SLC41A1: variants seen among roughly 807,000 people sequenced by gnomAD.
The protein encoded by SLC41A1 is solute carrier family 41 member 1.
Under a neutral mutation model 47.3 loss-of-function variants are expected in SLC41A1, and 20 were observed. That is an observed-to-expected ratio of 0.42 (90% CI 0.30 to 0.61). SLC41A1 has a LOEUF of 0.61. SLC41A1 is among the 20% of genes least tolerant of loss of function. The pLI, the probability that SLC41A1 is intolerant of heterozygous loss-of-function variation, is 0.17. For missense variants in SLC41A1, 504 were observed against 674.1 expected (o/e 0.75, Z 2.79); for synonymous variants, 282 against 272.7 (o/e 1.03, Z -0.34).
At position 205,813,151 on chromosome 1, in the gene SLC41A1, G is replaced by A; in HGVS notation, c.-990C>T. Reference sequence around the variant, plus strand: ...CCAATCGCTTCTTGCCCGCGGACTCGGGCCCAACTGGTTGGCTGCCGGTGG... The same window carrying A: ...CCAATCGCTTCTTGCCCGCGGACTCAGGCCCAACTGGTTGGCTGCCGGTGG... On this transcript the variant is annotated 5_prime_UTR_variant, in exon 1 of 11. Transcript: ENST00000367137. 1.0e-6 allele frequency: 1 copy of A among 985,476 alleles called. No individual in the cohort carries two copies. Among genetic ancestry groups the A allele is most frequent in the Non-Finnish European group, 1.2e-6 (1 of 829,978 alleles). 61.0% of individuals were successfully genotyped at this position (985,476 alleles called of 1,614,324 possible). A position where few individuals can be genotyped will look rare whatever the true frequency, so the allele number is the denominator to read the frequency against.
chr1:205,794,943 C>T lies in SLC41A1; in HGVS notation c.1283G>A (p.Ser428Asn). The T allele has an allele frequency of 6.2e-7, 1 of 1,614,066 alleles. No homozygotes were observed. The highest frequency in any genetic ancestry group is 8.5e-7 in the Non-Finnish European group (1 of 1,180,014). The stretch of plus-strand genomic sequence containing the variant: ...GGTGGTGTGCCCGCCCTGCATACAG[C>T]TGATGGTGTAGAGGAACACCAGGTG... ...PGHLVFLYTI[S>N]CMQGGHTTLT... Residue 428 changes from serine (S) to asparagine (N), a missense_variant, in exon 10 of 11, where the codon AGC (serine) becomes AAC (asparagine). Around this residue, in one of 2 missense-constraint regions of SLC41A1, gnomAD observed 421 missense variants for 601.6 expected, o/e 0.70. Coordinates refer to ENST00000367137, the MANE Select transcript of SLC41A1 (RefSeq NM_173854.6).
chr1:205,791,864 C>G lies in SLC41A1; in HGVS notation c.1357-146G>C. 1 of 1,031,414 alleles carries G rather than the reference C, an allele frequency of 9.7e-7. No homozygotes were observed. The highest frequency in any genetic ancestry group is 1.5e-6 in the Non-Finnish European group (1 of 683,894). 63.9% of individuals were successfully genotyped at this position (1,031,414 alleles called of 1,614,324 possible). A position where few individuals can be genotyped will look rare whatever the true frequency, so the allele number is the denominator to read the frequency against. On this transcript the variant is annotated intron_variant, in intron 10 of 10. Transcript: ENST00000367137. This position sits in a 1 kb window ranked among gnomAD's most constrained non-coding sequence, Gnocchi z 4.0. ...AATCTTCCTCTTTCCACCCCAGCAA[C>G]CTCTCTGTGTTTCTCCACCCCACAA... is the stretch of plus-strand genomic sequence containing the variant.
intron 2 of SLC41A1, among the ~76,000 whole-genome samples, chr1:205,802,036 C>T (rs1385461374): frequency 6.6e-6 from 1 of 152,186 alleles, no homozygotes; most frequent in Non-Finnish European, 1.5e-5. Flanking sequence ...AAACTGAGGA[C>T]TTGCAAAAAG....
chr1:205,807,724 T>C (rs1656048402), intron 2 of SLC41A1, among the ~76,000 whole-genome samples: 1 of 132,080 alleles, frequency 7.6e-6, no homozygotes, highest in African/African-American at 2.8e-5. Context: ...GGTACAATCA[T>C]AGCTCATTGC....
rs76524606 is a variant in SLC41A1, at chr1:205,790,806, G to C, written c.*727C>G. ...CAATAGGTGGACATGGGTCAACAGG[G>C]AGAAGAGTGCACTGTTCCATTTTTT... On this transcript the variant is annotated 3_prime_UTR_variant, in exon 11 of 11. Transcript: ENST00000367137. 6.7e-3 allele frequency: 1,028 copies of C among 152,732 alleles called. 4 individuals carry two copies. Among genetic ancestry groups the C allele is most frequent in the African/African-American group, 9.9e-3 (413 of 41,572 alleles). 9.5% of individuals were successfully genotyped at this position (152,732 alleles called of 1,614,324 possible). A position where few individuals can be genotyped will look rare whatever the true frequency, so the allele number is the denominator to read the frequency against.
At chr1:205,811,615 T>C (rs1380585387) in intron 1 of SLC41A1, among the ~76,000 whole-genome samples, 1 of 152,028 alleles carries the variant, frequency 6.6e-6, no homozygotes, top group Non-Finnish European at 1.5e-5. Context: ...GATTGCTGAG[T>C]GAAGTCCCCC....
chr1:205,801,421 C>T (rs904424187), intron 2 of SLC41A1: 8 of 331,332 alleles, frequency 2.4e-5, no homozygotes, highest in Admixed American at 8.5e-5. Context: ...TTGCAATCCC[C>T]CCTCAAATTG....
chr1:205,807,648 G>GT (rs1170069554), intron 2 of SLC41A1, among the ~76,000 whole-genome samples: 14,684 of 98,876 alleles, frequency 0.15, 1,224 homozygotes, highest in African/African-American at 0.25. Flanking sequence ...TCCTCGTAGA[G>GT]TCTTTTTTTT....
chr1:205,797,432 T>C (rs1012537458), intron 7 of SLC41A1, among the ~76,000 whole-genome samples: 1 of 152,238 alleles, frequency 6.6e-6, no homozygotes, highest in African/African-American at 2.4e-5. Context: ...ATAGCTAGGC[T>C]CCAGGTCCAT....
intron 2 of SLC41A1, among the ~76,000 whole-genome samples, chr1:205,809,848 C>T (rs1451698978): frequency 6.6e-6 from 1 of 152,136 alleles, no homozygotes; most frequent in Non-Finnish European, 1.5e-5. Context: ...TTCTATTTAG[C>T]AATACTGCCC....
At chr1:205,800,824 C>A in intron 3 of SLC41A1, 129 bp downstream of exon 3, 4 of 858,500 alleles carry the variant, frequency 4.7e-6, no homozygotes, top group Non-Finnish European at 7.6e-6. Flanking sequence ...GCCAGGCCCT[C>A]CCTTCCCACC....
Position 205,791,745 on chromosome 1 carries a change from T to G in SLC41A1, c.1357-27A>C, listed in dbSNP as rs761250849. The G allele has an allele frequency of 6.2e-7, 1 of 1,611,190 alleles. No homozygotes were observed. Among genetic ancestry groups the G allele is most frequent in the Non-Finnish European group, 8.5e-7 (1 of 1,179,368 alleles). On this transcript the variant is annotated intron_variant, in intron 10 of 10. Transcript: ENST00000367137. The surrounding 1 kb of genome is among the most constrained non-coding windows in gnomAD (Gnocchi z 4.0). The stretch of plus-strand genomic sequence containing the variant: ...TGGGGAGACAAAAGGGCCCAGCCTA[T>G]AGCCATCCTCTCTCTCCAGGGGGAG...
At chr1:205,806,980 A>G (rs1656028355) in intron 2 of SLC41A1, among the ~76,000 whole-genome samples, 1 of 152,148 alleles carries the variant, frequency 6.6e-6, no homozygotes, top group African/African-American at 2.4e-5. Context: ...ACCAGGCCCA[A>G]TATGGACTCC....
At position 205,801,064 on chromosome 1, in the gene SLC41A1, C is replaced by T. The variant is rs186328375; in HGVS notation, c.373-4G>A. The stretch of plus-strand genomic sequence containing the variant: ...CCTTCTGGAAGACTTCCCAGTGCTA[C>T]GAGGTGAAAACAGAACCCAGGAATT... On this transcript the variant is annotated splice_polypyrimidine_tract_variant and splice_region_variant and intron_variant, in intron 2 of 10. Coordinates refer to ENST00000367137, the MANE Select transcript of SLC41A1 (RefSeq NM_173854.6). The T allele has an allele frequency of 1.4e-5, 22 of 1,613,462 alleles. No homozygotes were observed. In the East Asian group the frequency reaches 2.0e-4, roughly 15 times the overall value.
At position 205,812,674 on chromosome 1, in the gene SLC41A1, A is replaced by G. The variant is rs749658310; in HGVS notation, c.-647+134T>C. 4 of 908,188 alleles carry G rather than the reference A, an allele frequency of 4.4e-6. No homozygotes were observed. In the South Asian group the frequency reaches 2.0e-4, roughly 46 times the overall value. 56.3% of individuals were successfully genotyped at this position (908,188 alleles called of 1,614,324 possible). ...AAAAAGACCCATTTTAGTATCCCCAACCCCGAGGAGGGAGAGAAAGTAACT... is the reference window on the plus strand; with the variant it reads ...AAAAAGACCCATTTTAGTATCCCCAGCCCCGAGGAGGGAGAGAAAGTAACT... On this transcript the variant is annotated intron_variant, in intron 1 of 10. Coordinates refer to ENST00000367137, the MANE Select transcript of SLC41A1 (RefSeq NM_173854.6).
chr1:205,807,221 G>A (rs1447799834), intron 2 of SLC41A1, among the ~76,000 whole-genome samples: 4 of 152,194 alleles, frequency 2.6e-5, no homozygotes, highest in East Asian at 3.9e-4. Flanking sequence ...CCCATGTCTC[G>A]GTCCCTCTGC....
intron 1 of SLC41A1, among the ~76,000 whole-genome samples, chr1:205,812,279 A>C (rs1358374927): frequency 6.6e-6 from 1 of 152,228 alleles, no homozygotes; most frequent in Non-Finnish European, 1.5e-5. Flanking sequence ...GGAGGTATCA[A>C]ACCCCAGGAA....
chr1:205,794,952 T>C lies in SLC41A1; in HGVS notation c.1274A>G (p.Tyr425Cys), dbSNP rs775186819. The C allele has an allele frequency of 2.5e-6, 4 of 1,613,726 alleles. No homozygotes were observed. Among genetic ancestry groups the C allele is most frequent in the Non-Finnish European group, 3.4e-6 (4 of 1,179,950 alleles). The change falls in exon 10 of 11, where the codon TAC (tyrosine) becomes TGC (cysteine). Residue 425 changes from tyrosine (Y) to cysteine (C), a missense_variant. By Grantham distance (194) the Tyr-to-Cys change is radical. This residue lies in a region of SLC41A1 where 421 missense variants were observed against 601.6 expected (regional missense o/e 0.70). Coordinates refer to ENST00000367137, the MANE Select transcript of SLC41A1 (RefSeq NM_173854.6). ...LVVPGHLVFL[Y>C]TISCMQGGHT... The stretch of plus-strand genomic sequence containing the variant: ...CCCGCCCTGCATACAGCTGATGGTG[T>C]AGAGGAACACCAGGTGTCCTGGGAC...
In SLC41A1 at chr1:205,791,316, C is replaced by T; in HGVS notation, c.*217G>A. On this transcript the variant is annotated 3_prime_UTR_variant, in exon 11 of 11. Transcript: ENST00000367137. The surrounding 1 kb of genome is among the most constrained non-coding windows in gnomAD (Gnocchi z 4.0). ...ACTTGGTGATTGTCTCAAAAACCTA[C>T]TTGTACTGCTTATCTCAGGCCATCT... The T allele has an allele frequency of 1.7e-6, 1 of 586,970 alleles. No homozygotes were observed. Among genetic ancestry groups the T allele is most frequent in the South Asian group, 1.9e-5 (1 of 52,676 alleles). 36.4% of individuals were successfully genotyped at this position (586,970 alleles called of 1,614,324 possible). A position where few individuals can be genotyped will look rare whatever the true frequency, so the allele number is the denominator to read the frequency against.
Sources: gnomAD v4.1 joint callset for allele counts (sites outside exome capture counted in the v4.1 genomes callset) on GRCh38, gnomAD v4.1.1 for gene constraint, gnomAD v4.1.1 regional missense constraint, Gnocchi (gnomAD v3.1) non-coding constraint, MANE v1.5 for transcripts, NCBI Gene and HGNC (gene_info 2026-07-23, HGNC 2026-07-21) for gene names.